Variants in UBE2V2 observed in about 807,000 individuals in gnomAD.
The protein encoded by UBE2V2 is ubiquitin conjugating enzyme E2 V2, also known as ubiquitin-conjugating enzyme E2 variant 2.
In UBE2V2, 9 loss-of-function variants were observed where a neutral mutation model predicts 17.2. The ratio of observed to expected loss-of-function variants is 0.52; its 90% confidence interval spans 0.32 to 0.91. The LOEUF (loss-of-function observed/expected upper bound fraction) is 0.91, where lower values mean the gene tolerates loss of function less well. Among genes scored for constraint, UBE2V2 ranks in the 40% least tolerant of loss-of-function variants. The probability of loss-of-function intolerance (pLI) is 0.04; values close to 1 mark genes in which losing one functional copy is unlikely to be tolerated. For synonymous variants in UBE2V2, 61 were observed against 57.5 expected (o/e 1.06, Z -0.28); for missense variants, 133 against 182.6 (o/e 0.73, Z 1.56).
At chr8:48,042,977 G>A (rs573639637) in intron 1 of UBE2V2, 56 bp from the exon 2 acceptor site, 31 of 1,355,200 alleles carry the variant, frequency 2.3e-5, no homozygotes, top group African/African-American at 1.8e-4. Context: ...ATTTAAATAC[G>A]TGTAGCTCTT....
At chr8:48,050,966 C>A (rs1241382293) in intron 3 of UBE2V2, among the ~76,000 whole-genome samples, 1 of 152,144 alleles carries the variant, frequency 6.6e-6, no homozygotes, top group Non-Finnish European at 1.5e-5. Flanking sequence ...CCACTTCAGC[C>A]TCCCAAGTAT....
At chr8:48,018,925 G>C (rs2091286613) in intron 1 of UBE2V2, among the ~76,000 whole-genome samples, 1 of 151,778 alleles carries the variant, frequency 6.6e-6, no homozygotes, top group African/African-American at 2.4e-5. Context: ...TACAGTTTTT[G>C]ATTTAAAAAT....
upstream of UBE2V2, among the ~76,000 whole-genome samples, chr8:48,008,031 C>G (rs1205488682): frequency 6.6e-6 from 1 of 152,080 alleles, no homozygotes; most frequent in Non-Finnish European, 1.5e-5. Context: ...AAACGATTCT[C>G]GTGCCTCAGC....
At chr8:48,024,700 C>T (rs1237047191) in intron 1 of UBE2V2, among the ~76,000 whole-genome samples, 1 of 151,840 alleles carries the variant, frequency 6.6e-6, no homozygotes, top group East Asian at 1.9e-4. Context: ...TGTTATTTTA[C>T]AGATAAATGC....
At chr8:48,027,359 C>T (rs575639084) in intron 1 of UBE2V2, among the ~76,000 whole-genome samples, 2 of 152,278 alleles carry the variant, frequency 1.3e-5, no homozygotes, top group South Asian at 4.1e-4. Flanking sequence ...AGTTTCTCCA[C>T]ATCCTTACCA....
upstream of UBE2V2, chr8:48,008,324 T>G (rs749280631): frequency 5.3e-4 from 671 of 1,255,824 alleles, 1 homozygote; most frequent in Non-Finnish European, 5.8e-4. Context: ...ACGTGCGCGC[T>G]GTCCCTCGGG....
At position 48,062,624 on chromosome 8, in the gene UBE2V2, C is replaced by A; in HGVS notation, c.*1796C>A. ...AAAAAAGAAAAATATTAATAATTGA[C>A]CTTGGCTGTATATTAAAATAGTTAC... On this transcript the variant is annotated 3_prime_UTR_variant, in exon 4 of 4. Transcript: ENST00000523111. The A allele has an allele frequency of 6.6e-6, 1 of 151,618 alleles. No individual in the cohort carries two copies. The highest frequency in any genetic ancestry group is 1.9e-4 in the East Asian group (1 of 5,180). The allele number at this position is 151,618 out of a possible 1,614,324, so 9.4% of individuals were successfully genotyped here.
chr8:48,052,784 G>T (rs1309417118), intron 3 of UBE2V2, among the ~76,000 whole-genome samples: 2 of 152,224 alleles, frequency 1.3e-5, no homozygotes, highest in African/African-American at 4.8e-5. Context: ...CTCACTGGGA[G>T]TGCTCAAGGT....
At chr8:48,016,116 C>G (rs1021446494) in intron 1 of UBE2V2, among the ~76,000 whole-genome samples, 1 of 152,102 alleles carries the variant, frequency 6.6e-6, no homozygotes, top group South Asian at 2.1e-4. Flanking sequence ...AGGTTGGTCT[C>G]AAACTCCTGA....
At chr8:48,007,828 C>T (rs1162360833), upstream of UBE2V2, among the ~76,000 whole-genome samples, 2 of 151,958 alleles carry the variant, frequency 1.3e-5, no homozygotes, top group African/African-American at 4.8e-5. Context: ...CTCTTGGGCT[C>T]ACGTGACCCT....
chr8:48,007,568 CTT>C (rs528067517), upstream of UBE2V2, among the ~76,000 whole-genome samples: 3 of 121,206 alleles, frequency 2.5e-5, no homozygotes, highest in Non-Finnish European at 1.7e-5. Context: ...TGTGAAAAAT[CTT>C]TTTTTTTTTT....
At chr8:48,008,593 G>C in intron 1 of UBE2V2, 123 bp downstream of exon 1, 4 of 1,387,126 alleles carry the variant, frequency 2.9e-6, no homozygotes, top group Non-Finnish European at 3.8e-6. Flanking sequence ...CGAATGCCGC[G>C]CTCTCCGCAG....
intron 1 of UBE2V2, among the ~76,000 whole-genome samples, chr8:48,008,995 G>T (rs1056515769): frequency 2.0e-5 from 3 of 152,106 alleles, no homozygotes; most frequent in Non-Finnish European, 4.4e-5. Context: ...GACTGAATAC[G>T]TGTGATCTTT....
chr8:48,052,711 T>C (rs886142158), intron 3 of UBE2V2, among the ~76,000 whole-genome samples: 1 of 152,216 alleles, frequency 6.6e-6, no homozygotes, highest in African/African-American at 2.4e-5. Context: ...TTGCGTCGTG[T>C]CATTTCTGCA....
chr8:48,058,980 C>G (rs1188355700), intron 3 of UBE2V2, among the ~76,000 whole-genome samples: 1 of 152,012 alleles, frequency 6.6e-6, no homozygotes, highest in African/African-American at 2.4e-5. Context: ...GATCTCAGCT[C>G]ACTGCAACCT....
At chr8:47,997,701 C>T in the UBE2V2 span, among the ~76,000 whole-genome samples, 2 of 151,950 alleles carry the variant, frequency 1.3e-5, no homozygotes, top group Non-Finnish European at 2.9e-5. Context: ...CTGCCACTTC[C>T]CGGAGAGGAA....
At chr8:47,999,875 A>G in the UBE2V2 span, among the ~76,000 whole-genome samples, 1 of 152,140 alleles carries the variant, frequency 6.6e-6, no homozygotes, top group Admixed American at 6.6e-5. Flanking sequence ...AGGGCTGACA[A>G]CTCTAAGGGG....
intron 1 of UBE2V2, among the ~76,000 whole-genome samples, chr8:48,040,782 C>T (rs1037220507): frequency 6.7e-6 from 1 of 150,298 alleles, no homozygotes; most frequent in Middle Eastern, 3.2e-3. Flanking sequence ...TGTGCACCAG[C>T]ATGCCTGGCT....
At chr8:48,046,674 A>T (rs1419464481) in intron 2 of UBE2V2, among the ~76,000 whole-genome samples, 1 of 152,068 alleles carries the variant, frequency 6.6e-6, no homozygotes, top group Non-Finnish European at 1.5e-5. Context: ...ATCACACCTC[A>T]CAGCCTGGAC....
Sources: gnomAD v4.1 joint callset for allele counts (sites outside exome capture counted in the v4.1 genomes callset) on GRCh38, gnomAD v4.1.1 for gene constraint, MANE v1.5 for transcripts, NCBI Gene and HGNC (gene_info 2026-07-23, HGNC 2026-07-21) for gene names.